Variants in CDH7 observed in about 807,000 individuals in gnomAD.
CDH7 encodes cadherin-7.
Under a neutral mutation model 71.8 loss-of-function variants are expected in CDH7, and 25 were observed. The observed-to-expected ratio is 0.35, with a 90% CI of 0.25 to 0.49. The LOEUF is 0.49. Ranked by LOEUF, CDH7 falls within the 20% of genes least tolerant of loss-of-function variation. The pLI is 0.99. For missense variants in CDH7, 862 were observed against 974.6 expected (o/e 0.88, Z 1.54); for synonymous variants, 381 against 363.8 (o/e 1.05, Z -0.54).
chr18:65,763,012 T>G lies in CDH7; in HGVS notation c.170T>G (p.Leu57Arg). ...TGGGTGTGGAATCAGTTCTTTGTGC[T>G]GGAGGAATACATGGGTTCAGACCCC... The part of the protein sequence containing the change: ...RSWVWNQFFV[L>R]EEYMGSDPLY... The change falls in exon 2 of 12, where the codon CTG becomes CGG. Residue 57 changes from leucine (L) to arginine (R), a missense_variant. Leu to Arg is a moderately radical substitution (Grantham distance 102). Coordinates refer to ENST00000397968, the MANE Select transcript of CDH7 (RefSeq NM_004361.5). 2 of 1,613,508 alleles carry G rather than the reference T, an allele frequency of 1.2e-6. No homozygotes were observed. The highest frequency in any genetic ancestry group is 1.7e-6 in the Non-Finnish European group (2 of 1,179,706).
At position 65,767,003 on chromosome 18, in the gene CDH7, G is replaced by A. The variant is rs370771973; in HGVS notation, c.210+3951G>A. The stretch of plus-strand genomic sequence containing the variant: ...AACCGTAATGGGATGCCAGCCGATC[G>A]CTGTGCCCCAGGCCATTACTTTCAC... On this transcript the variant is annotated intron_variant, in intron 2 of 11. Transcript: ENST00000397968. 7.4e-5 allele frequency among the ~76,000 whole-genome samples: 11 copies of A among 148,790 alleles called. No homozygotes were observed. The East Asian group carries it at 2.2e-3, about 30-fold the overall frequency.
intron 7 of CDH7, among the ~76,000 whole-genome samples, chr18:65,853,368 T>A (rs1913215759): frequency 7.1e-6 from 1 of 140,964 alleles, no homozygotes; most frequent in African/African-American, 2.5e-5. Flanking sequence ...CAGACTTCTT[T>A]TAGGGCCTTT....
intron 2 of CDH7, among the ~76,000 whole-genome samples, chr18:65,791,291 T>G (rs1599008670): frequency 1.3e-5 from 2 of 152,362 alleles, no homozygotes; most frequent in East Asian, 3.9e-4. Context: ...TTGTGTATAT[T>G]TTTACATACA....
At chr18:65,766,867 T>C (rs1916385059) in intron 2 of CDH7, among the ~76,000 whole-genome samples, 1 of 127,080 alleles carries the variant, frequency 7.9e-6, no homozygotes. Flanking sequence ...TCACTTAACG[T>C]CCTGTAACTG....
intron 2 of CDH7, among the ~76,000 whole-genome samples, chr18:65,800,856 C>A (rs1307569318): frequency 1.3e-5 from 2 of 152,114 alleles, no homozygotes; most frequent in African/African-American, 4.8e-5. Flanking sequence ...GAATTGATTT[C>A]ATCTTTTAGT....
chr18:65,877,474 T>C (rs9951873), intron 11 of CDH7, among the ~76,000 whole-genome samples: 13,799 of 152,142 alleles, frequency 0.091, 1,050 homozygotes, highest in African/African-American at 0.2. Flanking sequence ...TTTGTCTACT[T>C]AGACATTGAT....
chr18:65,788,759 T>G (rs1474433314), intron 2 of CDH7, among the ~76,000 whole-genome samples: 1 of 152,122 alleles, frequency 6.6e-6, no homozygotes, highest in Non-Finnish European at 1.5e-5. Flanking sequence ...AAGGAAAGAG[T>G]TATACCTGCT....
intron 2 of CDH7, among the ~76,000 whole-genome samples, chr18:65,766,779 G>T (rs1269273375): frequency 6.6e-6 from 1 of 150,462 alleles, no homozygotes; most frequent in East Asian, 2.0e-4. Flanking sequence ...ACAGTACATA[G>T]GAGGTCCCAG....
At chr18:65,876,472 A>G (rs1209855649) in intron 11 of CDH7, among the ~76,000 whole-genome samples, 3 of 152,126 alleles carry the variant, frequency 2.0e-5, no homozygotes, top group Non-Finnish European at 2.9e-5. Context: ...ACTCGTGCCT[A>G]CAGCTCCAAC....
chr18:65,800,326 G>T (rs1020974065), intron 2 of CDH7, among the ~76,000 whole-genome samples: 2 of 152,006 alleles, frequency 1.3e-5, no homozygotes, highest in East Asian at 3.9e-4. Flanking sequence ...TGATCCTCCC[G>T]CCTTAGCCTC....
At chr18:65,852,646 G>A (rs1159263700) in intron 7 of CDH7, among the ~76,000 whole-genome samples, 1 of 152,006 alleles carries the variant, frequency 6.6e-6, no homozygotes, top group South Asian at 2.1e-4. Flanking sequence ...AATGTATTTT[G>A]TACCTCATTT....
intron 6 of CDH7, among the ~76,000 whole-genome samples, chr18:65,833,986 A>T (rs965459947): frequency 1.3e-5 from 2 of 152,138 alleles, no homozygotes; most frequent in African/African-American, 2.4e-5. Context: ...TCCATTATGG[A>T]ATTTATTTTG....
intron 6 of CDH7, among the ~76,000 whole-genome samples, chr18:65,831,697 G>A (rs1221997495): frequency 1.3e-5 from 2 of 151,734 alleles, no homozygotes; most frequent in Non-Finnish European, 2.9e-5. Flanking sequence ...AACAATAAAT[G>A]AGTCCCCTAA....
At chr18:65,854,920 CAT>C (rs1555689652) in intron 7 of CDH7, among the ~76,000 whole-genome samples, 1 of 145,448 alleles carries the variant, frequency 6.9e-6, no homozygotes, top group Non-Finnish European at 1.5e-5. Context: ...TATGTGTACA[CAT>C]ATATATATAT....
intron 2 of CDH7, among the ~76,000 whole-genome samples, chr18:65,768,437 T>C (rs185600349): frequency 6.6e-6 from 1 of 152,174 alleles, no homozygotes; most frequent in Non-Finnish European, 1.5e-5. Flanking sequence ...GGTTTCACCA[T>C]GTAGGCCAGG....
chr18:65,756,204 C>CA (rs1200886769), intron 1 of CDH7, among the ~76,000 whole-genome samples: 1 of 152,116 alleles, frequency 6.6e-6, no homozygotes, highest in African/African-American at 2.4e-5. Context: ...AGTTTCCCCC[C>CA]AATAGCTCAA....
Position 65,880,525 on chromosome 18 carries a change from G to A in CDH7, c.1989G>A (p.Thr663=), listed in dbSNP as rs142025693. ...YDDEGGGEED[T]EAFDMAALRN... is the part of the protein sequence containing the mutation. The stretch of plus-strand genomic sequence containing the variant: ...ACGAGGGCGGGGGAGAGGAGGACAC[G>A]GAAGCGTTTGACATGGCTGCACTGA... The change falls in exon 12 of 12, where the codon ACG becomes ACA. Residue 663 remains threonine, a synonymous_variant. Transcript: ENST00000397968. The A allele has an allele frequency of 1.9e-4, 308 of 1,613,596 alleles. 3 individuals carry two copies. The Middle Eastern group carries it at 0.013, about 68-fold the overall frequency.
intron 11 of CDH7, among the ~76,000 whole-genome samples, chr18:65,877,954 A>C (rs1914118995): frequency 6.6e-6 from 1 of 152,176 alleles, no homozygotes; most frequent in South Asian, 2.1e-4. Context: ...TGAAAGTACT[A>C]AGCATACAGT....
intron 2 of CDH7, among the ~76,000 whole-genome samples, chr18:65,799,680 A>T (rs1204657153): frequency 6.6e-6 from 1 of 152,000 alleles, no homozygotes; most frequent in Non-Finnish European, 1.5e-5. Flanking sequence ...TGTGTCAAAA[A>T]AAAAAAAAGT....
Sources: allele counts gnomAD v4.1 joint callset (sites outside exome capture counted in the v4.1 genomes callset), GRCh38; gene constraint gnomAD v4.1.1; transcripts MANE v1.5; gene names NCBI Gene and HGNC (gene_info 2026-07-23, HGNC 2026-07-21).